The following BBIP1 variants were observed in gnomAD, a reference collection of about 807,000 sequenced individuals.
The protein encoded by BBIP1 is BBSome interacting protein 1.
A neutral mutation model predicts 8.9 loss-of-function variants in BBIP1; 6 were observed. The observed-to-expected ratio is 0.67, with a 90% CI of 0.37 to 1.33. BBIP1 has a LOEUF of 1.33. Among genes scored for constraint, BBIP1 ranks in the 40% most tolerant of loss-of-function variants. The probability of loss-of-function intolerance (pLI) is 0.02; values close to 1 mark genes in which losing one functional copy is unlikely to be tolerated. For missense variants in BBIP1, 111 were observed against 109.2 expected, an observed-to-expected ratio of 1.02 and a Z score of -0.07; for synonymous variants, 32 against 33.4, an observed-to-expected ratio of 0.96 and a Z score of 0.14.
intron 3 of BBIP1, 184 bp downstream of exon 3, chr10:110,901,352 AAC>A: frequency 1.7e-6 from 1 of 582,252 alleles, no homozygotes; most frequent in Admixed American, 3.0e-5. Flanking sequence ...AGGTATAAGA[AAC>A]AATGTTTCAT....
intron 2 of BBIP1, chr10:110,917,883 T>G (rs950313570): frequency 1.8e-6 from 1 of 564,594 alleles, no homozygotes; most frequent in Non-Finnish European, 3.2e-6. Context: ...AATGCTAAAC[T>G]CAGAGGAAAT....
chr10:110,900,075 AAGAT>A lies in BBIP1; in HGVS notation c.*281_*284del, dbSNP rs1162466475. ...AAGATCCCAAGAATGTTATCTATAA[AAGAT>A]AGCAATAGGAATGGTGAACAAATAA... is the stretch of plus-strand genomic sequence containing the variant. On this transcript the variant is annotated 3_prime_UTR_variant, in exon 4 of 4. Coordinates refer to ENST00000448814, the MANE Select transcript of BBIP1 (RefSeq NM_001195305.3). The A allele has an allele frequency of 1.4e-5, 4 of 279,484 alleles. No homozygotes were observed. The highest frequency in any genetic ancestry group is 2.6e-5 in the Non-Finnish European group (4 of 151,498). The allele number at this position is 279,484 out of a possible 1,614,324, so 17.3% of individuals were successfully genotyped here. A position where few individuals can be genotyped will look rare whatever the true frequency, so the allele number is the denominator to read the frequency against.
chr10:110,915,343 AG>A (rs1193417646), intron 2 of BBIP1, among the ~76,000 whole-genome samples: 3 of 151,974 alleles, frequency 2.0e-5, no homozygotes, highest in Admixed American at 2.0e-4. Flanking sequence ...TTTTTGAGAC[AG>A]GGTTTTGCCG....
chr10:110,912,494 A>G (rs140648215), intron 2 of BBIP1, among the ~76,000 whole-genome samples: 9 of 152,316 alleles, frequency 5.9e-5, no homozygotes, highest in South Asian at 2.1e-4. Flanking sequence ...GACTGCACCT[A>G]TTTTCATCTA....
intron 2 of BBIP1, among the ~76,000 whole-genome samples, chr10:110,910,310 G>A (rs1461581255): frequency 6.6e-6 from 1 of 152,202 alleles, no homozygotes; most frequent in Non-Finnish European, 1.5e-5. Context: ...TGTGTACAGT[G>A]TGCATACAGT....
chr10:110,907,569 G>A, intron 2 of BBIP1: 1 of 484,590 alleles, frequency 2.1e-6, no homozygotes. Context: ...GAGGAGACAG[G>A]AAATGAGATG....
chr10:110,901,928 T>C lies in BBIP1; in HGVS notation c.38-316A>G, dbSNP rs1846014647. The C allele has an allele frequency of 1.7e-5, 5 of 286,446 alleles. No homozygotes were observed. In the South Asian group the frequency reaches 2.1e-4, roughly 12 times the overall value. 17.7% of individuals were successfully genotyped at this position (286,446 alleles called of 1,614,324 possible). A position where few individuals can be genotyped will look rare whatever the true frequency, so the allele number is the denominator to read the frequency against. ...ATTAATATCATCTGAGGAAAAGGTA[T>C]TTGTGTGTAGCCAGCGTGGTTCGTT... On this transcript the variant is annotated intron_variant, in intron 2 of 3. Coordinates refer to ENST00000448814, the MANE Select transcript of BBIP1 (RefSeq NM_001195305.3).
chr10:110,917,171 A>C (rs1200288545), intron 2 of BBIP1, among the ~76,000 whole-genome samples: 2 of 151,448 alleles, frequency 1.3e-5, no homozygotes, highest in African/African-American at 4.8e-5. Flanking sequence ...TTAAAGCTAA[A>C]GAAAAATTTT....
intron 2 of BBIP1, among the ~76,000 whole-genome samples, chr10:110,905,520 C>T (rs1846110329): frequency 6.6e-6 from 1 of 151,774 alleles, no homozygotes; most frequent in Non-Finnish European, 1.5e-5. Flanking sequence ...CGAGATCGTG[C>T]CACTGCACTC....
intron 2 of BBIP1, among the ~76,000 whole-genome samples, chr10:110,915,684 C>T (rs926382873): frequency 3.9e-5 from 6 of 151,946 alleles, no homozygotes; most frequent in African/African-American, 1.2e-4. Flanking sequence ...CAATCCTTAA[C>T]AGTTTTAAGG....
In BBIP1 at chr10:110,898,877, A is replaced by G. The variant is rs1156949087; in HGVS notation, c.*1483T>C. 1.3e-5 allele frequency: 2 copies of G among 152,486 alleles called. No individual in the cohort carries two copies. The highest frequency in any genetic ancestry group is 2.9e-5 in the Non-Finnish European group (2 of 68,006). The allele number at this position is 152,486 out of a possible 1,614,324, so 9.4% of individuals were successfully genotyped here. On this transcript the variant is annotated 3_prime_UTR_variant, in exon 4 of 4. Coordinates refer to ENST00000448814, the MANE Select transcript of BBIP1 (RefSeq NM_001195305.3). ...GTTCCCTTGAAAACTTTTTTTCCCT[A>G]CAAAATTTTAAGTGAAAAATACAAT...
intron 2 of BBIP1, among the ~76,000 whole-genome samples, chr10:110,915,338 G>A (rs770268764): frequency 5.3e-5 from 8 of 151,896 alleles, no homozygotes; most frequent in Non-Finnish European, 1.2e-4. Context: ...TTTATTTTTT[G>A]AGACAGGGTT....
At position 110,901,908 on chromosome 10, in the gene BBIP1, TATC is replaced by T. The variant is rs1280922462; in HGVS notation, c.38-299_38-297del. On this transcript the variant is annotated intron_variant, in intron 2 of 3. Coordinates refer to ENST00000448814, the MANE Select transcript of BBIP1 (RefSeq NM_001195305.3). ...CAGTTTTTAAGGCAAAGATGATTAA[TATC>T]ATCTGAGGAAAAGGTATTTGTGTGT... is the stretch of plus-strand genomic sequence containing the variant. 2.7e-5 allele frequency: 9 copies of T among 334,576 alleles called. No individual in the cohort carries two copies. In the East Asian group the frequency reaches 5.0e-4, roughly 19 times the overall value. 20.7% of individuals were successfully genotyped at this position (334,576 alleles called of 1,614,324 possible).
intron 2 of BBIP1, among the ~76,000 whole-genome samples, chr10:110,910,409 T>G (rs1042370323): frequency 2.6e-5 from 4 of 152,148 alleles, no homozygotes. Context: ...TATCCTATAG[T>G]CAGGAGGGAG....
At chr10:110,907,469 C>T (rs543420311) in intron 2 of BBIP1, 152 of 389,646 alleles carry the variant, frequency 3.9e-4, no homozygotes, top group African/African-American at 1.9e-3. Flanking sequence ...GATATGATCA[C>T]GCCACTGCAT....
chr10:110,900,564 A>T lies in BBIP1; in HGVS notation c.113-38T>A, dbSNP rs569801076. 1.2e-5 allele frequency: 18 copies of T among 1,462,532 alleles called. No individual in the cohort carries two copies. The South Asian group carries it at 2.4e-4, about 20-fold the overall frequency. The allele number at this position is 1,462,532 out of a possible 1,614,324, so 90.6% of individuals were successfully genotyped here. On this transcript the variant is annotated intron_variant, in intron 3 of 3. Transcript: ENST00000448814. The stretch of plus-strand genomic sequence containing the variant: ...AGAAATAAGAATTAATTCAAGAAAG[A>T]TAACCCAGTTGTTTGTAGTTGGATT...
chr10:110,917,342 T>C (rs949576547), intron 2 of BBIP1, among the ~76,000 whole-genome samples: 1 of 152,022 alleles, frequency 6.6e-6, no homozygotes, highest in Non-Finnish European at 1.5e-5. Context: ...GCTGGAGAAC[T>C]TCAAAATTCT....
chr10:110,901,722 T>G (rs1390667318), intron 2 of BBIP1, 110 bp from the exon 3 acceptor site: 4 of 756,980 alleles, frequency 5.3e-6, no homozygotes, highest in African/African-American at 5.2e-5. Flanking sequence ...GAAAGTGAAC[T>G]ACCCTAACCT....
chr10:110,911,122 AC>A (rs1846266370), intron 2 of BBIP1: 1 of 152,214 alleles, frequency 6.6e-6, no homozygotes, highest in South Asian at 2.1e-4. Flanking sequence ...ATTAGACCAA[AC>A]CCTGCATGAG....
Sources: allele counts gnomAD v4.1 joint callset (sites outside exome capture counted in the v4.1 genomes callset), GRCh38; gene constraint gnomAD v4.1.1; transcripts MANE v1.5; gene names NCBI Gene and HGNC (gene_info 2026-07-23, HGNC 2026-07-21).